PCDH15: variants seen among roughly 807,000 people sequenced by gnomAD.
The protein encoded by PCDH15 is protocadherin related 15, also known as protocadherin-15.
A neutral mutation model predicts 178.5 loss-of-function variants in PCDH15; 129 were observed. The observed-to-expected ratio is 0.72, with a 90% confidence interval of 0.63 to 0.84. PCDH15 has a LOEUF of 0.84. Ranked by LOEUF, PCDH15 falls within the 40% of genes least tolerant of loss-of-function variation. The pLI is 0.00. For missense variants in PCDH15, 2,230 were observed against 2,099.9 expected (o/e 1.06, Z -1.21); for synonymous variants, 800 against 732.0 (o/e 1.09, Z -1.50).
intron 3 of PCDH15, among the ~76,000 whole-genome samples, chr10:54,424,429 A>G (rs1955974091): frequency 6.6e-6 from 1 of 151,912 alleles, no homozygotes; most frequent in Non-Finnish European, 1.5e-5. Context: ...AACTAGTTCA[A>G]CCATTGTGGA....
intron 3 of PCDH15, among the ~76,000 whole-genome samples, chr10:54,438,268 C>CTTT (rs1039826987): frequency 1.8e-4 from 17 of 93,976 alleles, no homozygotes; most frequent in African/African-American, 5.1e-4. Flanking sequence ...AAGAGAAAAG[C>CTTT]TTTTTTTTTT....
At chr10:55,431,797 G>A (rs1051372247) in intron 2 of PCDH15, among the ~76,000 whole-genome samples, 2 of 151,940 alleles carry the variant, frequency 1.3e-5, no homozygotes, top group Admixed American at 6.6e-5. Context: ...AAACCCAAAT[G>A]TCATCCCCAT....
chr10:54,826,459 A>T (rs1316678928), intron 3 of PCDH15, among the ~76,000 whole-genome samples: 1 of 151,970 alleles, frequency 6.6e-6, no homozygotes, highest in Non-Finnish European at 1.5e-5. Flanking sequence ...AGATTAGCAC[A>T]CCCAACAGAA....
intron 2 of PCDH15, among the ~76,000 whole-genome samples, chr10:54,954,417 T>C (rs1450451348): frequency 3.3e-5 from 5 of 151,240 alleles, no homozygotes; most frequent in African/African-American, 1.2e-4. Flanking sequence ...ATCTTAGCAT[T>C]ATCCTACATG....
At chr10:53,828,358 A>C (rs540325577) in intron 31 of PCDH15, among the ~76,000 whole-genome samples, 3 of 152,160 alleles carry the variant, frequency 2.0e-5, no homozygotes, top group Non-Finnish European at 4.4e-5. Flanking sequence ...GCTATAGGCA[A>C]ACTATCTTTT....
intron 2 of PCDH15, among the ~76,000 whole-genome samples, chr10:54,577,980 C>T (rs551589083): frequency 1.3e-5 from 2 of 151,952 alleles, no homozygotes; most frequent in Admixed American, 6.6e-5. Context: ...TTAAATGAAT[C>T]GAAAGTAAAT....
chr10:55,306,550 C>A (rs1588897569), intron 1 of PCDH15, among the ~76,000 whole-genome samples: 1 of 152,110 alleles, frequency 6.6e-6, no homozygotes, highest in Non-Finnish European at 1.5e-5. Flanking sequence ...AGAGCATTCT[C>A]AGGACTGCAG....
At chr10:53,857,520 T>C (rs1262571051) in intron 27 of PCDH15, among the ~76,000 whole-genome samples, 1 of 152,118 alleles carries the variant, frequency 6.6e-6, no homozygotes, top group Non-Finnish European at 1.5e-5. Context: ...CAATTGTTTT[T>C]GGTTATGTGT....
chr10:55,261,191 A>G (rs1842138619), intron 1 of PCDH15, among the ~76,000 whole-genome samples: 1 of 152,356 alleles, frequency 6.6e-6, no homozygotes, highest in Admixed American at 6.5e-5. Flanking sequence ...GTATGCCTCA[A>G]TGATCCTCAG....
chr10:54,312,858 T>G (rs183138682), intron 8 of PCDH15, among the ~76,000 whole-genome samples: 1 of 152,138 alleles, frequency 6.6e-6, no homozygotes, highest in African/African-American at 2.4e-5. Flanking sequence ...TTTGGTGGCC[T>G]GTTATACGGT....
intron 5 of PCDH15, among the ~76,000 whole-genome samples, chr10:54,355,820 G>A (rs75187996): frequency 0.018 from 2,714 of 152,040 alleles, 88 homozygotes; most frequent in African/African-American, 0.062. Flanking sequence ...ATTTCAGTGT[G>A]CAAACCTTTA....
intron 2 of PCDH15, among the ~76,000 whole-genome samples, chr10:55,131,642 G>T (rs1030350517): frequency 6.6e-6 from 1 of 152,114 alleles, no homozygotes; most frequent in African/African-American, 2.4e-5. Context: ...CCCAAAGTGG[G>T]TAGCTCCTTT....
At chr10:54,207,702 T>C (rs926177794) in intron 10 of PCDH15, among the ~76,000 whole-genome samples, 4 of 152,038 alleles carry the variant, frequency 2.6e-5, no homozygotes, top group Non-Finnish European at 5.9e-5. Flanking sequence ...AGGATACTCT[T>C]AGCTGCCTTC....
At chr10:55,363,187 A>G (rs1323945897) in intron 2 of PCDH15, among the ~76,000 whole-genome samples, 1 of 152,132 alleles carries the variant, frequency 6.6e-6, no homozygotes, top group Non-Finnish European at 1.5e-5. Context: ...GCACATTTCA[A>G]TGTACCGATG....
intron 2 of PCDH15, among the ~76,000 whole-genome samples, chr10:54,557,422 T>C (rs1452456485): frequency 6.6e-6 from 1 of 152,166 alleles, no homozygotes; most frequent in Non-Finnish European, 1.5e-5. Flanking sequence ...CATTTCCCCC[T>C]CAAACCCTAG....
intron 2 of PCDH15, among the ~76,000 whole-genome samples, chr10:55,081,901 T>C (rs1842048793): frequency 6.6e-6 from 1 of 152,186 alleles, no homozygotes; most frequent in Non-Finnish European, 1.5e-5. Context: ...ATGAACCAAG[T>C]ACTGGAGCAC....
At chr10:54,350,333 C>T (rs1000386924) in intron 5 of PCDH15, among the ~76,000 whole-genome samples, 9 of 152,114 alleles carry the variant, frequency 5.9e-5, no homozygotes, top group African/African-American at 1.7e-4. Context: ...TGCTCTCCTC[C>T]ATAGTTCCAC....
intron 19 of PCDH15, 37 bp downstream of exon 19, chr10:54,022,855 T>C (rs781757199): frequency 6.2e-6 from 10 of 1,605,778 alleles, no homozygotes; most frequent in Non-Finnish European, 8.5e-6. Flanking sequence ...AATCTCCTAA[T>C]GTAGGATTCA....
chr10:54,777,567 G>A (rs1314216402), intron 1 of PCDH15, among the ~76,000 whole-genome samples: 1 of 152,084 alleles, frequency 6.6e-6, no homozygotes, highest in Non-Finnish European at 1.5e-5. Context: ...AATGAAAGAT[G>A]ATGTAAACTT....
Sources: gnomAD v4.1 joint callset for allele counts (sites outside exome capture counted in the v4.1 genomes callset) on GRCh38, gnomAD v4.1.1 for gene constraint, MANE v1.5 for transcripts, NCBI Gene and HGNC (gene_info 2026-07-23, HGNC 2026-07-21) for gene names.